Variants in ANKRD26 observed in about 807,000 individuals in gnomAD.
ANKRD26 encodes the protein ankyrin repeat domain 26, also known as ankyrin repeat domain-containing protein 26.
In ANKRD26, 141 loss-of-function variants were observed where a neutral mutation model predicts 208.7. The observed-to-expected ratio is 0.68, with a 90% CI of 0.59 to 0.78. The LOEUF is 0.78. Among genes scored for constraint, ANKRD26 ranks in the 30% least tolerant of loss-of-function variants. The probability of loss-of-function intolerance (pLI) is 0.00; values close to 1 mark genes in which losing one functional copy is unlikely to be tolerated. For missense variants in ANKRD26, 1,889 were observed against 1,938.7 expected (o/e 0.97, Z 0.48); for synonymous variants, 636 against 660.4 (o/e 0.96, Z 0.57).
At chr10:27,050,219 C>CAAAAAAAAAAAAAAAAAAAAAAA (rs67384671) in intron 16 of ANKRD26, among the ~76,000 whole-genome samples, 22 of 33,036 alleles carry the variant, frequency 6.7e-4, no homozygotes, top group East Asian at 2.4e-3. Context: ...GAATCTGTCT[C>CAAAAAAAAAAAAAAAAAAAAAAA]AAAAAAAAAA....
intron 4 of ANKRD26, among the ~76,000 whole-genome samples, chr10:26,997,414 G>A (rs1020323137): frequency 6.6e-6 from 1 of 152,138 alleles, no homozygotes; most frequent in African/African-American, 2.4e-5. Flanking sequence ...TAGGAGAGGT[G>A]AAACACTTTA....
intron 4 of ANKRD26, among the ~76,000 whole-genome samples, chr10:27,090,611 G>C (rs2056269543): frequency 6.6e-6 from 1 of 152,138 alleles, no homozygotes; most frequent in Admixed American, 6.5e-5. Flanking sequence ...GGACAAAAAA[G>C]AGGCCTCTTG....
intron 9 of ANKRD26, among the ~76,000 whole-genome samples, chr10:27,075,846 T>C (rs544938491): frequency 1.3e-5 from 2 of 152,310 alleles, no homozygotes; most frequent in South Asian, 2.1e-4. Context: ...GACCATATGA[T>C]AGGCCACAAA....
chr10:27,007,455 A>G (rs573651930), intron 32 of ANKRD26, among the ~76,000 whole-genome samples: 1 of 152,298 alleles, frequency 6.6e-6, no homozygotes, highest in Non-Finnish European at 1.5e-5. Context: ...GGAGTTCGAG[A>G]CCAGCCTGGG....
chr10:27,049,753 A>T (rs2054582765), intron 16 of ANKRD26, among the ~76,000 whole-genome samples: 1 of 152,216 alleles, frequency 6.6e-6, no homozygotes, highest in African/African-American at 2.4e-5. Flanking sequence ...AGAGCTCCTA[A>T]AGTGGCATTA....
At chr10:27,083,286 CTAGT>C (rs1185977824) in intron 5 of ANKRD26, among the ~76,000 whole-genome samples, 5 of 151,640 alleles carry the variant, frequency 3.3e-5, no homozygotes, top group South Asian at 2.1e-4. Flanking sequence ...TTTATATTTC[CTAGT>C]TAAACATGCA....
chr10:26,985,318 A>T (rs541279245), intron 3 of ANKRD26, among the ~76,000 whole-genome samples: 15 of 152,286 alleles, frequency 9.8e-5, no homozygotes, highest in African/African-American at 2.4e-4. Context: ...CACCAGGATT[A>T]CATTTTCTCT....
intron 19 of ANKRD26, 133 bp from the exon 20 acceptor site, chr10:27,043,700 G>T: frequency 1.1e-6 from 1 of 876,762 alleles, no homozygotes; most frequent in Non-Finnish European, 1.8e-6. Flanking sequence ...TTGTTAAAAG[G>T]ATTTATTTAT....
intron 32 of ANKRD26, among the ~76,000 whole-genome samples, chr10:27,007,692 C>T (rs533368112): frequency 6.6e-6 from 1 of 152,186 alleles, no homozygotes; most frequent in South Asian, 2.1e-4. Flanking sequence ...CCATTGTCTA[C>T]TTTTAGAGAA....
the ANKRD26 span, among the ~76,000 whole-genome samples, chr10:26,966,693 A>G: frequency 6.6e-6 from 1 of 152,200 alleles, no homozygotes; most frequent in Non-Finnish European, 1.5e-5. Flanking sequence ...TTTAATTGCA[A>G]GGAAGGCGTA....
In ANKRD26 at chr10:27,100,319, T is replaced by A. The variant is rs1157309219; in HGVS notation, c.8A>T (p.Lys3Met). Reference protein sequence around the residue: MKKIFSKKGESPL... With the variant: MKMIFSKKGESPL... ...CGACTCGCCCTTCTTACTAAAAATC[T>A]TCTTCATGGCCCAGGCGACCGGGCT... Residue 3 changes from lysine (K) to methionine (M), a missense_variant, in exon 1 of 34, where the codon AAG becomes ATG. Lys to Met is a moderately conservative substitution (Grantham distance 95). This residue lies in a region of ANKRD26 where 1,272 missense variants were observed against 1,273.8 expected (regional missense o/e 1.00). Transcript: ENST00000376087. 6.2e-7 allele frequency: 1 copy of A among 1,607,856 alleles called. No individual in the cohort carries two copies. The highest frequency in any genetic ancestry group is 1.7e-5 in the Admixed American group (1 of 60,020).
At chr10:26,956,191 C>T in the ANKRD26 span, among the ~76,000 whole-genome samples, 2 of 152,012 alleles carry the variant, frequency 1.3e-5, no homozygotes, top group Admixed American at 6.6e-5. Context: ...TGGTTTAGAA[C>T]AATAAATTCT....
At chr10:27,051,386 A>G (rs2054654582) in intron 16 of ANKRD26, 1 of 1,206,752 alleles carries the variant, frequency 8.3e-7, no homozygotes, top group Non-Finnish European at 1.0e-6. Flanking sequence ...AGATCAAATC[A>G]AAAGGTCTTT....
At chr10:26,959,468 A>G in the ANKRD26 span, among the ~76,000 whole-genome samples, 14 of 152,146 alleles carry the variant, frequency 9.2e-5, no homozygotes, top group South Asian at 8.3e-4. Context: ...GAAGTCCTTG[A>G]TTATGAGAAA....
Position 27,035,812 on chromosome 10 carries a change from C to T in ANKRD26, c.2698-60G>A. On this transcript the variant is annotated intron_variant, in intron 23 of 33. Transcript: ENST00000376087. The stretch of plus-strand genomic sequence containing the variant: ...CAAGAAAATGACAGATCATGATTTC[C>T]TCTGAAATTAAAGAATAAACTGTAC... 4 of 1,189,264 alleles carry T rather than the reference C, an allele frequency of 3.4e-6. No individual in the cohort carries two copies. The Admixed American group carries it at 5.5e-5, about 16-fold the overall frequency. The allele number at this position is 1,189,264 out of a possible 1,614,324, so 73.7% of individuals were successfully genotyped here.
intron 16 of ANKRD26, chr10:27,051,395 T>C (rs1044848348): frequency 8.3e-7 from 1 of 1,200,458 alleles, no homozygotes; most frequent in Non-Finnish European, 1.1e-6. Flanking sequence ...CAAAAGGTCT[T>C]TTTGGATCAC....
the ANKRD26 span, among the ~76,000 whole-genome samples, chr10:26,958,637 A>C: frequency 1.3e-5 from 2 of 152,180 alleles, no homozygotes; most frequent in Non-Finnish European, 2.9e-5. Context: ...TGCAAAGGAC[A>C]TGATCTTATT....
chr10:27,042,161 A>T (rs1316173555), intron 20 of ANKRD26, among the ~76,000 whole-genome samples: 1 of 152,222 alleles, frequency 6.6e-6, no homozygotes, highest in East Asian at 1.9e-4. Context: ...CGCAGCCAAC[A>T]TATTTTTGAC....
intron 5 of ANKRD26, 39 bp from the exon 6 acceptor site, chr10:27,082,872 A>G (rs781733268): frequency 3.9e-6 from 6 of 1,556,800 alleles, no homozygotes; most frequent in Non-Finnish European, 5.2e-6. Flanking sequence ...TAAATCAACA[A>G]TAGAAAAATA....
Sources: gnomAD v4.1 joint callset for allele counts (sites outside exome capture counted in the v4.1 genomes callset) on GRCh38, gnomAD v4.1.1 for gene constraint, gnomAD v4.1.1 regional missense constraint, MANE v1.5 for transcripts, NCBI Gene and HGNC (gene_info 2026-07-23, HGNC 2026-07-21) for gene names.